Variants in BBX observed in about 807,000 individuals in gnomAD.
BBX encodes the protein HMG box transcription factor BBX.
In BBX, 30 loss-of-function variants were observed where a neutral mutation model predicts 100.2. The observed-to-expected ratio is 0.30, with a 90% CI of 0.22 to 0.41. The LOEUF (loss-of-function observed/expected upper bound fraction) is 0.41, where lower values mean the gene tolerates loss of function less well. Ranked by LOEUF, BBX falls within the 10% of genes least tolerant of loss-of-function variation. BBX has a pLI of 1.00. For synonymous variants in BBX, 376 were observed against 388.1 expected, an observed-to-expected ratio of 0.97 and a Z score of 0.37; for missense variants, 1,023 against 1,129.8, an observed-to-expected ratio of 0.91 and a Z score of 1.35.
At chr3:107,735,456 A>C (rs555396307) in intron 7 of BBX, among the ~76,000 whole-genome samples, 1 of 152,230 alleles carries the variant, frequency 6.6e-6, no homozygotes, top group East Asian at 1.9e-4. Flanking sequence ...CAAATGGTCT[A>C]ATCATACTGG....
At chr3:107,627,533 A>G (rs1206624748) in intron 2 of BBX, among the ~76,000 whole-genome samples, 1 of 152,228 alleles carries the variant, frequency 6.6e-6, no homozygotes, top group South Asian at 2.1e-4. Flanking sequence ...TTTGACCCAC[A>G]GTGAACTCTT....
chr3:107,692,235 T>A (rs2060224521), intron 3 of BBX, among the ~76,000 whole-genome samples: 1 of 151,702 alleles, frequency 6.6e-6, no homozygotes, highest in South Asian at 2.1e-4. Flanking sequence ...AGGGTACATG[T>A]GCACAATGTG....
intron 7 of BBX, among the ~76,000 whole-genome samples, chr3:107,734,861 T>C (rs2063542112): frequency 6.6e-6 from 1 of 152,100 alleles, no homozygotes; most frequent in African/African-American, 2.4e-5. Context: ...CTCAATACTG[T>C]GGTGGACCCT....
At chr3:107,788,403 G>C (rs943343095) in intron 13 of BBX, among the ~76,000 whole-genome samples, 2 of 152,102 alleles carry the variant, frequency 1.3e-5, no homozygotes, top group Non-Finnish European at 2.9e-5. Context: ...CCCACAATTG[G>C]CCTTCACAGC....
At chr3:107,586,426 A>G (rs555677825) in intron 2 of BBX, among the ~76,000 whole-genome samples, 1 of 152,136 alleles carries the variant, frequency 6.6e-6, no homozygotes, top group Admixed American at 6.6e-5. Context: ...TGGACATATC[A>G]GGGGTCACCT....
chr3:107,634,334 C>G (rs1205719443), intron 2 of BBX, among the ~76,000 whole-genome samples: 1 of 152,194 alleles, frequency 6.6e-6, no homozygotes, highest in African/African-American at 2.4e-5. Context: ...TCCTCTACCT[C>G]TGTTATCTGT....
chr3:107,535,567 T>C (rs1295101745), intron 2 of BBX, among the ~76,000 whole-genome samples: 2 of 151,646 alleles, frequency 1.3e-5, no homozygotes, highest in African/African-American at 4.8e-5. Context: ...CCTAGCTGAA[T>C]ATTCTATATC....
chr3:107,798,536 A>G lies in BBX; in HGVS notation c.2367A>G (p.Glu789=), dbSNP rs753425719. 1.2e-6 allele frequency: 2 copies of G among 1,613,956 alleles called. No individual in the cohort carries two copies. The highest frequency in any genetic ancestry group is 4.5e-5 in the East Asian group (2 of 44,876). Residue 789 remains glutamate, a synonymous_variant, in exon 16 of 18, where the codon GAA becomes GAG. Transcript: ENST00000325805. ...TTCCTATTTCAGCCATATTTTCAGAAGACAGAAACACCATGGAGCCTGTTC... is the reference window on the plus strand; with the variant it reads ...TTCCTATTTCAGCCATATTTTCAGAGGACAGAAACACCATGGAGCCTGTTC... The part of the protein sequence containing the change: ...AIHPTEAIFS[E]DRNTMEPVHK...
chr3:107,734,999 G>A (rs1038705786), intron 7 of BBX, among the ~76,000 whole-genome samples: 2 of 152,112 alleles, frequency 1.3e-5, no homozygotes, highest in African/African-American at 4.8e-5. Flanking sequence ...GTAGCAGTTA[G>A]GTCTTTAAGA....
intron 2 of BBX, among the ~76,000 whole-genome samples, chr3:107,612,523 T>G (rs1386813515): frequency 6.6e-6 from 1 of 152,224 alleles, no homozygotes; most frequent in Non-Finnish European, 1.5e-5. Flanking sequence ...TGATCTCGGA[T>G]AAGATCCGAA....
intron 2 of BBX, among the ~76,000 whole-genome samples, chr3:107,587,651 C>T (rs1035200450): frequency 2.0e-5 from 3 of 152,098 alleles, no homozygotes; most frequent in Non-Finnish European, 4.4e-5. Context: ...AGCAAATAGT[C>T]GGGATCGTGA....
chr3:107,748,359 G>C (rs2107632375), intron 9 of BBX, among the ~76,000 whole-genome samples: 1 of 152,224 alleles, frequency 6.6e-6, no homozygotes, highest in Middle Eastern at 3.4e-3. Context: ...GAATGTCAGA[G>C]GCTTTCGATT....
intron 9 of BBX, 114 bp from the exon 10 acceptor site, chr3:107,755,484 C>A: frequency 1.2e-6 from 1 of 839,172 alleles, no homozygotes; most frequent in Non-Finnish European, 2.0e-6. Flanking sequence ...TTACTTGGTA[C>A]ATGGGAGCAA....
At chr3:107,608,823 C>T (rs1389838940) in intron 2 of BBX, among the ~76,000 whole-genome samples, 1 of 152,074 alleles carries the variant, frequency 6.6e-6, no homozygotes, top group African/African-American at 2.4e-5. Context: ...TTATTCATAG[C>T]TATTATAAAT....
intron 2 of BBX, among the ~76,000 whole-genome samples, chr3:107,630,354 A>G (rs1483881445): frequency 6.6e-6 from 1 of 152,188 alleles, no homozygotes; most frequent in Non-Finnish European, 1.5e-5. Flanking sequence ...CAGAGTAAAT[A>G]TAAGGACTCT....
intron 2 of BBX, among the ~76,000 whole-genome samples, chr3:107,568,265 A>ATTTTTTTT (rs36099700): frequency 3.8e-5 from 5 of 131,516 alleles, no homozygotes; most frequent in African/African-American, 1.4e-4. Context: ...ATTTTCTGCT[A>ATTTTTTTT]TTTTTTTTTT....
chr3:107,709,539 T>C (rs1478659300), intron 3 of BBX, among the ~76,000 whole-genome samples: 1 of 152,230 alleles, frequency 6.6e-6, no homozygotes, highest in African/African-American at 2.4e-5. Context: ...TTTAAACCAA[T>C]GGCATTTAAT....
chr3:107,628,554 C>CT (rs35979393), intron 2 of BBX, among the ~76,000 whole-genome samples: 4 of 151,718 alleles, frequency 2.6e-5, no homozygotes, highest in Non-Finnish European at 5.9e-5. Context: ...ATGAGGAAAC[C>CT]TTTTTTTAAG....
chr3:107,532,206 A>C (rs1207380446), intron 2 of BBX, among the ~76,000 whole-genome samples: 1 of 151,924 alleles, frequency 6.6e-6, no homozygotes, highest in Non-Finnish European at 1.5e-5. Flanking sequence ...AAAAAAAACC[A>C]AAACAAAAAC....
Sources: gnomAD v4.1 joint callset for allele counts (sites outside exome capture counted in the v4.1 genomes callset) on GRCh38, gnomAD v4.1.1 for gene constraint, MANE v1.5 for transcripts, NCBI Gene and HGNC (gene_info 2026-07-23, HGNC 2026-07-21) for gene names.